Variants in DPYD observed in about 807,000 individuals in gnomAD.
DPYD encodes dihydropyrimidine dehydrogenase.
Under a neutral mutation model 116.2 loss-of-function variants are expected in DPYD, and 109 were observed. The ratio of observed to expected loss-of-function variants is 0.94; its 90% confidence interval spans 0.80 to 1.10. The LOEUF is 1.10. DPYD is among the 50% of genes least tolerant of loss of function. The probability of loss-of-function intolerance (pLI) is 0.00; values close to 1 mark genes in which losing one functional copy is unlikely to be tolerated. For synonymous variants in DPYD, 440 were observed against 432.0 expected, an observed-to-expected ratio of 1.02 and a Z score of -0.23; for missense variants, 1,302 against 1,254.5, an observed-to-expected ratio of 1.04 and a Z score of -0.57.
At chr1:97,894,622 T>C (rs1347009536) in intron 1 of DPYD, among the ~76,000 whole-genome samples, 1 of 151,672 alleles carries the variant, frequency 6.6e-6, no homozygotes, top group East Asian at 1.9e-4. Flanking sequence ...TAACACTAGC[T>C]ATTAATTATA....
intron 13 of DPYD, among the ~76,000 whole-genome samples, chr1:97,474,741 A>G (rs1283105753): frequency 2.0e-5 from 3 of 151,970 alleles, no homozygotes; most frequent in Non-Finnish European, 4.4e-5. Context: ...TAATTTTGGC[A>G]TTTTGAATAT....
intron 2 of DPYD, among the ~76,000 whole-genome samples, chr1:97,870,747 G>A (rs757840437): frequency 9.9e-5 from 15 of 151,766 alleles, no homozygotes; most frequent in Non-Finnish European, 1.8e-4. Context: ...CTGCACAGAC[G>A]TCAGTTCAAA....
rs1352321606 is a variant in DPYD at position 97,858,395 on chromosome 1, TTAAG to T, written c.150+24865_150+24868del. Among the ~76,000 whole-genome samples the T allele has an allele frequency of 4.6e-5, 7 of 152,328 alleles. No individual in the cohort carries two copies. The South Asian group carries it at 1.0e-3, about 23-fold the overall frequency. ...TTTTGTTTTATTGTGTTATGGCTATTTAAGTAATTAGGAAACCTTGATAGGATTA... is the reference window on the plus strand; with the variant it reads ...TTTTGTTTTATTGTGTTATGGCTATTTAATTAGGAAACCTTGATAGGATTA... On this transcript the variant is annotated intron_variant, in intron 2 of 22. Transcript: ENST00000370192.
intron 13 of DPYD, among the ~76,000 whole-genome samples, chr1:97,481,978 A>G (rs1393461905): frequency 6.6e-6 from 1 of 152,232 alleles, no homozygotes; most frequent in African/African-American, 2.4e-5. Flanking sequence ...CCATCGTTGC[A>G]TTGAAAGTAT....
intron 5 of DPYD, chr1:97,719,819 A>G: frequency 1.0e-6 from 1 of 983,264 alleles, no homozygotes; most frequent in Non-Finnish European, 1.2e-6. Flanking sequence ...CAATTATACA[A>G]ACTATAATTG....
intron 14 of DPYD, among the ~76,000 whole-genome samples, chr1:97,412,332 T>C (rs1259178018): frequency 1.3e-5 from 2 of 152,198 alleles, no homozygotes; most frequent in Admixed American, 1.3e-4. Flanking sequence ...ACTTTCCAGC[T>C]TGCTCACAAA....
intron 8 of DPYD, among the ~76,000 whole-genome samples, chr1:97,622,498 T>C (rs1216087899): frequency 6.6e-6 from 1 of 151,948 alleles, no homozygotes; most frequent in Non-Finnish European, 1.5e-5. Flanking sequence ...GGCCACTAAA[T>C]ATAACTTGGG....
chr1:97,116,994 C>CAAAAAAAAAAAAAAAAAA, intron 20 of DPYD, among the ~76,000 whole-genome samples: 1 of 107,184 alleles, frequency 9.3e-6, no homozygotes, highest in Non-Finnish European at 2.0e-5. Context: ...ACTAAAAATA[C>CAAAAAAAAAAAAAAAAAA]AAAAAAAAAA....
intron 2 of DPYD, among the ~76,000 whole-genome samples, chr1:97,854,086 A>G (rs777713441): frequency 2.0e-5 from 3 of 152,178 alleles, no homozygotes; most frequent in Non-Finnish European, 4.4e-5. Flanking sequence ...CACCATTTCT[A>G]TTATCCAGAA....
intron 3 of DPYD, among the ~76,000 whole-genome samples, chr1:97,782,710 T>C (rs1043671851): frequency 2.0e-5 from 3 of 152,246 alleles, no homozygotes; most frequent in African/African-American, 2.4e-5. Flanking sequence ...TGCTACTTTA[T>C]ATGACAATCC....
chr1:97,542,485 G>A (rs1650520453), intron 12 of DPYD, among the ~76,000 whole-genome samples: 1 of 152,026 alleles, frequency 6.6e-6, no homozygotes, highest in Admixed American at 6.6e-5. Flanking sequence ...TTAAATCCCA[G>A]TAAATCTAAT....
intron 20 of DPYD, among the ~76,000 whole-genome samples, chr1:97,161,689 T>G (rs939624809): frequency 4.3e-4 from 64 of 148,422 alleles, no homozygotes; most frequent in African/African-American, 1.6e-3. Flanking sequence ...TCATTTAGCA[T>G]TAGGTATATC....
chr1:97,418,767 C>G (rs1674422324), intron 14 of DPYD, among the ~76,000 whole-genome samples: 1 of 152,020 alleles, frequency 6.6e-6, no homozygotes, highest in Non-Finnish European at 1.5e-5. Context: ...AAGCAAGAAC[C>G]AAGAAACAAG....
chr1:97,282,629 T>C (rs1216209336), intron 18 of DPYD, among the ~76,000 whole-genome samples: 2 of 152,124 alleles, frequency 1.3e-5, no homozygotes, highest in African/African-American at 2.4e-5. Flanking sequence ...GTTTGTTACA[T>C]GTATAAATTG....
At chr1:97,575,479 T>C (rs973996697) in intron 10 of DPYD, among the ~76,000 whole-genome samples, 8 of 152,310 alleles carry the variant, frequency 5.3e-5, no homozygotes, top group African/African-American at 1.9e-4. Context: ...CACTGATCTA[T>C]ACTATACATT....
intron 20 of DPYD, among the ~76,000 whole-genome samples, chr1:97,181,704 A>G (rs1183765193): frequency 6.6e-6 from 1 of 152,174 alleles, no homozygotes; most frequent in Non-Finnish European, 1.5e-5. Context: ...AGTATTGCTC[A>G]AATGTTTCTA....
intron 20 of DPYD, among the ~76,000 whole-genome samples, chr1:97,113,079 T>C (rs892203723): frequency 1.3e-5 from 2 of 152,178 alleles, no homozygotes; most frequent in African/African-American, 2.4e-5. Context: ...TTTCAGAACA[T>C]TGTGGTCAAA....
At chr1:97,357,219 G>C (rs1469712704) in intron 16 of DPYD, among the ~76,000 whole-genome samples, 1 of 151,990 alleles carries the variant, frequency 6.6e-6, no homozygotes, top group African/African-American at 2.4e-5. Flanking sequence ...TTTAGTATAT[G>C]GGTAAGTTTC....
intron 3 of DPYD, among the ~76,000 whole-genome samples, chr1:97,817,789 T>C (rs1668706025): frequency 6.6e-6 from 1 of 152,096 alleles, no homozygotes; most frequent in African/African-American, 2.4e-5. Context: ...TGATAGTATA[T>C]ACACAACAGC....
Sources: allele counts gnomAD v4.1 joint callset (sites outside exome capture counted in the v4.1 genomes callset), GRCh38; gene constraint gnomAD v4.1.1; transcripts MANE v1.5; gene names NCBI Gene and HGNC (gene_info 2026-07-23, HGNC 2026-07-21).